The following SLC12A8 variants were observed in gnomAD, a reference collection of about 807,000 sequenced individuals.
SLC12A8 encodes the protein solute carrier family 12 member 8, also known as cation-chloride cotransporter 9.
In SLC12A8, 69 loss-of-function variants were observed where a neutral mutation model predicts 75.6. That is an observed-to-expected ratio of 0.91 (90% CI 0.75 to 1.11). The LOEUF is 1.11. SLC12A8 is among the 50% of genes most tolerant of loss of function. The pLI, the probability that SLC12A8 is intolerant of heterozygous loss-of-function variation, is 0.00. For synonymous variants in SLC12A8, 365 were observed against 372.8 expected (o/e 0.98, Z 0.24); for missense variants, 877 against 896.7 (o/e 0.98, Z 0.28).
intron 4 of SLC12A8, among the ~76,000 whole-genome samples, chr3:125,178,567 C>T (rs940026843): frequency 1.3e-5 from 2 of 152,114 alleles, no homozygotes; most frequent in African/African-American, 4.8e-5. Flanking sequence ...TTATATGCCC[C>T]AGATTTAATA....
At chr3:125,142,316 T>A (rs560174446) in intron 5 of SLC12A8, among the ~76,000 whole-genome samples, 7 of 152,276 alleles carry the variant, frequency 4.6e-5, no homozygotes, top group African/African-American at 1.7e-4. Flanking sequence ...GGCACAGAGA[T>A]GGGCAATTAA....
chr3:125,141,793 C>G (rs1041708794), intron 5 of SLC12A8, among the ~76,000 whole-genome samples: 1 of 152,036 alleles, frequency 6.6e-6, no homozygotes, highest in African/African-American at 2.4e-5. Flanking sequence ...ACAGCCCTTT[C>G]CTGCGAATGG....
At chr3:125,198,435 C>G (rs1935048170) in intron 2 of SLC12A8, among the ~76,000 whole-genome samples, 1 of 152,078 alleles carries the variant, frequency 6.6e-6, no homozygotes, top group Non-Finnish European at 1.5e-5. Context: ...GAGTTCGAAA[C>G]CAGCCTGGCC....
intron 2 of SLC12A8, among the ~76,000 whole-genome samples, chr3:125,207,683 A>G (rs1406710260): frequency 1.3e-5 from 2 of 152,118 alleles, no homozygotes; most frequent in African/African-American, 4.8e-5. Flanking sequence ...TCTCCTGCCA[A>G]CGCAGTCTTC....
chr3:125,120,473 G>T, intron 7 of SLC12A8, 126 bp downstream of exon 7: 3 of 756,252 alleles, frequency 4.0e-6, no homozygotes, highest in South Asian at 1.5e-5. Context: ...TTAAAAGAAG[G>T]ATCGGAATAT....
In SLC12A8 at chr3:125,211,413, C is replaced by G. The variant is rs924221693; in HGVS notation, c.-45-19G>C. On this transcript the variant is annotated intron_variant, in intron 1 of 13. Coordinates refer to ENST00000469902, the MANE Select transcript of SLC12A8 (RefSeq NM_024628.6). ...GACTGCTCTGGAAGGTAACAGCATCCTTGGTCAGGCTGGCTTCTCCTCTCC... is the reference window on the plus strand; with the variant it reads ...GACTGCTCTGGAAGGTAACAGCATCGTTGGTCAGGCTGGCTTCTCCTCTCC... The G allele has an allele frequency of 3.9e-5, 53 of 1,366,994 alleles. No homozygotes were observed. Among genetic ancestry groups the G allele is most frequent in the African/African-American group, 2.1e-4 (15 of 70,172 alleles). The allele number at this position is 1,366,994 out of a possible 1,614,324, so 84.7% of individuals were successfully genotyped here. A position where few individuals can be genotyped will look rare whatever the true frequency, so the allele number is the denominator to read the frequency against.
At chr3:125,097,533 TG>T (rs1938747801) in intron 10 of SLC12A8, among the ~76,000 whole-genome samples, 2 of 2,904 alleles carry the variant, frequency 6.9e-4, no homozygotes, top group African/African-American at 7.8e-4. Context: ...GGGAATTGTG[TG>T]TGTGTGTGTG....
chr3:125,168,279 G>A (rs1239264151), intron 5 of SLC12A8, among the ~76,000 whole-genome samples: 1 of 152,196 alleles, frequency 6.6e-6, no homozygotes, highest in Non-Finnish European at 1.5e-5. Flanking sequence ...CAGATGATAA[G>A]CTGATTATTG....
At chr3:125,211,970 C>G (rs980991308) in intron 1 of SLC12A8, among the ~76,000 whole-genome samples, 1 of 152,076 alleles carries the variant, frequency 6.6e-6, no homozygotes, top group Admixed American at 6.5e-5. Flanking sequence ...CAGGCACCCT[C>G]CCCTTCGCGC....
At chr3:125,145,000 C>A (rs62265725) in intron 5 of SLC12A8, among the ~76,000 whole-genome samples, 1 of 152,180 alleles carries the variant, frequency 6.6e-6, no homozygotes, top group Admixed American at 6.5e-5. Flanking sequence ...CCAAGTCCTA[C>A]CCAAGAAACA....
chr3:125,117,546 T>C (rs913154942), intron 8 of SLC12A8, among the ~76,000 whole-genome samples: 7 of 152,036 alleles, frequency 4.6e-5, no homozygotes, highest in African/African-American at 9.7e-5. Flanking sequence ...TAATGAGCCA[T>C]GTTCACGTCA....
chr3:125,203,449 A>G (rs1436774365), intron 2 of SLC12A8, among the ~76,000 whole-genome samples: 1 of 152,204 alleles, frequency 6.6e-6, no homozygotes, highest in Non-Finnish European at 1.5e-5. Flanking sequence ...TTTACAGCCA[A>G]CTGATTTTCA....
At chr3:125,140,796 T>C (rs980110616) in intron 5 of SLC12A8, among the ~76,000 whole-genome samples, 3 of 152,120 alleles carry the variant, frequency 2.0e-5, no homozygotes, top group Non-Finnish European at 4.4e-5. Flanking sequence ...CGTAGCTCAC[T>C]GCAACCTCAA....
At position 125,092,212 on chromosome 3, in the gene SLC12A8, A is replaced by C. The variant is rs757561456; in HGVS notation, c.1706-14T>G. On this transcript the variant is annotated splice_polypyrimidine_tract_variant and intron_variant, in intron 10 of 13. Transcript: ENST00000469902. ...TCAGGAAGAAATCTAAAAAATAGCC[A>C]AAGATTTGGCTGCCAAATTGCTATC... is the stretch of plus-strand genomic sequence containing the variant. The C allele has an allele frequency of 1.7e-5, 27 of 1,599,154 alleles. No individual in the cohort carries two copies. Among genetic ancestry groups the C allele is most frequent in the Non-Finnish European group, 2.2e-5 (26 of 1,167,446 alleles).
chr3:125,168,491 C>T (rs979273997), intron 5 of SLC12A8, among the ~76,000 whole-genome samples: 4 of 152,052 alleles, frequency 2.6e-5, no homozygotes, highest in South Asian at 2.1e-4. Context: ...ACTGGTGCAG[C>T]GATGGTGGAA....
intron 7 of SLC12A8, chr3:125,119,758 A>G (rs1164882780): frequency 2.3e-6 from 1 of 427,326 alleles, no homozygotes; most frequent in South Asian, 1.7e-5. Flanking sequence ...TGTTTGTGAA[A>G]CAGATACATT....
intron 2 of SLC12A8, among the ~76,000 whole-genome samples, chr3:125,207,250 A>G (rs558078969): frequency 7.2e-5 from 11 of 152,240 alleles, no homozygotes; most frequent in Admixed American, 6.5e-4. Context: ...CCTCCTAGAA[A>G]AGGGTCCACA....
intron 5 of SLC12A8, among the ~76,000 whole-genome samples, chr3:125,164,908 G>A (rs959430588): frequency 6.6e-6 from 1 of 152,250 alleles, no homozygotes; most frequent in Non-Finnish European, 1.5e-5. Flanking sequence ...TGGTGCTTCT[G>A]ATGTGCAGAC....
chr3:125,208,317 T>C (rs1935265003), intron 2 of SLC12A8, among the ~76,000 whole-genome samples: 1 of 152,144 alleles, frequency 6.6e-6, no homozygotes, highest in Non-Finnish European at 1.5e-5. Context: ...AGGTATGATT[T>C]TGGGTTTGAG....
Sources: gnomAD v4.1 joint callset for allele counts (sites outside exome capture counted in the v4.1 genomes callset) on GRCh38, gnomAD v4.1.1 for gene constraint, MANE v1.5 for transcripts, NCBI Gene and HGNC (gene_info 2026-07-23, HGNC 2026-07-21) for gene names.